The following MYO16 variants were observed in gnomAD, a reference collection of about 807,000 sequenced individuals.
MYO16 encodes unconventional myosin-XVI.
MYO16 carries 94 observed loss-of-function variants against 205.3 expected under a neutral mutation model. That is an observed-to-expected ratio of 0.46 (90% CI 0.39 to 0.54). MYO16 has a LOEUF of 0.54. Among genes scored for constraint, MYO16 ranks in the 20% least tolerant of loss-of-function variants. MYO16 has a pLI of 0.00. For synonymous variants in MYO16, 988 were observed against 954.0 expected (o/e 1.04, Z -0.66); for missense variants, 2,315 against 2,387.5 (o/e 0.97, Z 0.63).
the MYO16 span, among the ~76,000 whole-genome samples, chr13:108,550,702 C>T: frequency 6.6e-6 from 1 of 152,096 alleles, no homozygotes; most frequent in Non-Finnish European, 1.5e-5. Context: ...CTTTTATTTT[C>T]TTAGACCTAC....
chr13:108,602,873 A>G (rs1466042235), intron 1 of MYO16, among the ~76,000 whole-genome samples: 1 of 152,202 alleles, frequency 6.6e-6, no homozygotes, highest in Non-Finnish European at 1.5e-5. Context: ...GAGAAAATAT[A>G]ACACTTGCTA....
chr13:108,623,864 G>T (rs1879629657), intron 1 of MYO16, among the ~76,000 whole-genome samples: 1 of 152,018 alleles, frequency 6.6e-6, no homozygotes, highest in African/African-American at 2.4e-5. Context: ...GCAAAGCATT[G>T]CATTATAAAT....
chr13:108,848,807 C>A (rs1403129014), intron 10 of MYO16, among the ~76,000 whole-genome samples: 2 of 152,098 alleles, frequency 1.3e-5, no homozygotes, highest in African/African-American at 4.8e-5. Flanking sequence ...AAAGTGCGAG[C>A]CTGTCTTGAC....
At chr13:108,568,086 C>T in the MYO16 span, among the ~76,000 whole-genome samples, 3 of 152,066 alleles carry the variant, frequency 2.0e-5, no homozygotes, top group Non-Finnish European at 4.4e-5. Flanking sequence ...TAGAGATAAA[C>T]CATATTTTAT....
chr13:108,894,435 A>C (rs1159374163), intron 14 of MYO16, among the ~76,000 whole-genome samples: 1 of 152,178 alleles, frequency 6.6e-6, no homozygotes, highest in Non-Finnish European at 1.5e-5. Context: ...ATGGGAAGCC[A>C]GAGAACCCAA....
the MYO16 span, among the ~76,000 whole-genome samples, chr13:108,516,078 G>A: frequency 4.5e-4 from 66 of 147,518 alleles, no homozygotes; most frequent in Admixed American, 2.7e-4. Context: ...CCCCAGCCTC[G>A]TTGCCGCCTT....
At chr13:109,115,464 A>ACACTCTG (rs1162077300) in intron 28 of MYO16, among the ~76,000 whole-genome samples, 7 of 152,166 alleles carry the variant, frequency 4.6e-5, no homozygotes, top group Non-Finnish European at 8.8e-5. Flanking sequence ...TCAGCTAGGA[A>ACACTCTG]CACTCTGCAT....
At chr13:109,009,258 A>C (rs535943166) in intron 22 of MYO16, among the ~76,000 whole-genome samples, 1 of 152,338 alleles carries the variant, frequency 6.6e-6, no homozygotes, top group Non-Finnish European at 1.5e-5. Flanking sequence ...GGACAAGAAA[A>C]TATCATTTTG....
intron 22 of MYO16, among the ~76,000 whole-genome samples, chr13:109,011,749 G>A (rs1041901276): frequency 3.6e-4 from 55 of 151,882 alleles, no homozygotes; most frequent in African/African-American, 1.2e-3. Context: ...TCCTGACCTC[G>A]TAATCCGCCT....
At chr13:108,496,149 GGT>G in the MYO16 span, among the ~76,000 whole-genome samples, 54 of 152,300 alleles carry the variant, frequency 3.5e-4, 1 homozygote, top group African/African-American at 1.2e-3. Context: ...GAGGCTTGTC[GGT>G]CCCTTCCTGG....
intron 34 of MYO16, among the ~76,000 whole-genome samples, chr13:109,189,468 A>G (rs10454539): frequency 0.073 from 11,039 of 152,236 alleles, 554 homozygotes; most frequent in East Asian, 0.27. Context: ...GATTATTTGG[A>G]TATTTTTAAA....
At chr13:108,535,652 G>A in the MYO16 span, among the ~76,000 whole-genome samples, 4,427 of 152,194 alleles carry the variant, frequency 0.029, 91 homozygotes, top group Non-Finnish European at 0.046. Context: ...CTTGAGCCCC[G>A]TAGAATGGAA....
At chr13:109,056,108 T>C (rs1214736753) in intron 27 of MYO16, 2 of 155,730 alleles carry the variant, frequency 1.3e-5, no homozygotes, top group Non-Finnish European at 1.4e-5. Context: ...GCAATAGAGA[T>C]AGACAGTGTG....
intron 20 of MYO16, among the ~76,000 whole-genome samples, chr13:108,967,905 C>T (rs901314916): frequency 1.3e-5 from 2 of 152,152 alleles, no homozygotes; most frequent in Non-Finnish European, 2.9e-5. Flanking sequence ...AATGCCCTTC[C>T]TGTGGAGAAA....
chr13:109,034,800 C>T (rs1463197629), intron 23 of MYO16, among the ~76,000 whole-genome samples: 1 of 152,116 alleles, frequency 6.6e-6, no homozygotes, highest in Non-Finnish European at 1.5e-5. Flanking sequence ...TGCCCATTTA[C>T]TAAATTTACA....
At chr13:108,922,050 T>G (rs893314100) in intron 16 of MYO16, among the ~76,000 whole-genome samples, 5 of 152,226 alleles carry the variant, frequency 3.3e-5, no homozygotes, top group African/African-American at 1.2e-4. Context: ...AAGTGGGGTC[T>G]GGTCTTGCTC....
At chr13:109,024,803 G>T (rs1281677515) in intron 23 of MYO16, among the ~76,000 whole-genome samples, 3 of 152,088 alleles carry the variant, frequency 2.0e-5, no homozygotes, top group Non-Finnish European at 4.4e-5. Flanking sequence ...TCATTCACAT[G>T]TTCAGTGTAG....
intron 9 of MYO16, among the ~76,000 whole-genome samples, chr13:108,843,432 C>T (rs981550143): frequency 2.0e-5 from 3 of 151,902 alleles, no homozygotes; most frequent in Non-Finnish European, 2.9e-5. Flanking sequence ...TATATCAGTC[C>T]AATCTCACTG....
At chr13:108,965,025 AT>A in intron 20 of MYO16, 123 bp downstream of exon 20, 1 of 1,039,286 alleles carries the variant, frequency 9.6e-7, no homozygotes, top group Non-Finnish European at 1.4e-6. Context: ...AATATATTTT[AT>A]TTTAACAAGG....
Sources: gnomAD v4.1 joint callset for allele counts (sites outside exome capture counted in the v4.1 genomes callset) on GRCh38, gnomAD v4.1.1 for gene constraint, MANE v1.5 for transcripts, NCBI Gene and HGNC (gene_info 2026-07-23, HGNC 2026-07-21) for gene names.